The following RBPMS variants were observed in gnomAD, a reference collection of about 807,000 sequenced individuals.
RBPMS encodes the protein RNA-binding protein with multiple splicing.
In RBPMS, 7 loss-of-function variants were observed where a neutral mutation model predicts 26.8. The observed-to-expected ratio is 0.26, with a 90% CI of 0.15 to 0.49. The LOEUF (loss-of-function observed/expected upper bound fraction) is 0.49, where lower values mean the gene tolerates loss of function less well. Ranked by LOEUF, RBPMS falls within the 20% of genes least tolerant of loss-of-function variation. The probability of loss-of-function intolerance (pLI) is 0.98; values close to 1 mark genes in which losing one functional copy is unlikely to be tolerated. For synonymous variants in RBPMS, 96 were observed against 93.3 expected, an observed-to-expected ratio of 1.03 and a Z score of -0.17; for missense variants, 186 against 250.0, an observed-to-expected ratio of 0.74 and a Z score of 1.73.
intron 5 of RBPMS, among the ~76,000 whole-genome samples, chr8:30,535,442 G>C (rs1824686907): frequency 6.6e-6 from 1 of 152,146 alleles, no homozygotes; most frequent in Admixed American, 6.5e-5. Flanking sequence ...AAGGATATCT[G>C]GTCTTTACTG....
At chr8:30,519,955 G>A (rs1330353045) in intron 5 of RBPMS, among the ~76,000 whole-genome samples, 2 of 152,094 alleles carry the variant, frequency 1.3e-5, no homozygotes, top group African/African-American at 4.8e-5. Context: ...GATTTGCAAG[G>A]TTTGGTTAAA....
intron 4 of RBPMS, among the ~76,000 whole-genome samples, chr8:30,484,467 G>A (rs1818586081): frequency 6.6e-6 from 1 of 152,132 alleles, no homozygotes; most frequent in African/African-American, 2.4e-5. Context: ...GAACTTGAAG[G>A]AAAGGTATTT....
intron 1 of RBPMS, among the ~76,000 whole-genome samples, chr8:30,452,271 T>C (rs1446793930): frequency 6.6e-6 from 1 of 152,132 alleles, no homozygotes; most frequent in Non-Finnish European, 1.5e-5. Context: ...AAGTCCAAGG[T>C]ACGGGAGAAC....
chr8:30,552,862 TCA>T (rs1826509340), intron 6 of RBPMS: 1 of 152,254 alleles, frequency 6.6e-6, no homozygotes, highest in Non-Finnish European at 1.5e-5. Context: ...CAGGATGTAC[TCA>T]CAGTCCTAGG....
chr8:30,393,351 C>T (rs1808014205), intron 1 of RBPMS, among the ~76,000 whole-genome samples: 1 of 151,922 alleles, frequency 6.6e-6, no homozygotes, highest in Non-Finnish European at 1.5e-5. Context: ...AACCCTGCAC[C>T]TAAAAGGAAA....
chr8:30,446,838 T>TGA (rs1420579582), intron 1 of RBPMS: 1 of 92,904 alleles, frequency 1.1e-5, no homozygotes, highest in African/African-American at 4.8e-5. Flanking sequence ...TGTGTGTGTG[T>TGA]GTGTGCGCGC....
intron 1 of RBPMS, among the ~76,000 whole-genome samples, chr8:30,448,363 A>G (rs1814128537): frequency 6.6e-6 from 1 of 152,194 alleles, no homozygotes; most frequent in Non-Finnish European, 1.5e-5. Flanking sequence ...TTTGCAGGGC[A>G]GATGCATTCC....
chr8:30,555,877 C>A (rs1479737093), intron 6 of RBPMS: 1 of 985,320 alleles, frequency 1.0e-6, no homozygotes, highest in African/African-American at 1.7e-5. Context: ...TCATTACCCC[C>A]ACACAGTGAT....
At chr8:30,546,873 C>T (rs993631287) in intron 6 of RBPMS, among the ~76,000 whole-genome samples, 4 of 152,194 alleles carry the variant, frequency 2.6e-5, no homozygotes, top group African/African-American at 7.2e-5. Flanking sequence ...GAGGGAGTTA[C>T]CCACAATCTG....
chr8:30,519,506 C>T (rs1297074248), intron 5 of RBPMS, among the ~76,000 whole-genome samples: 13 of 108,066 alleles, frequency 1.2e-4, no homozygotes, highest in South Asian at 3.4e-4. Context: ...TTTTTGGAGA[C>T]GGAGTCTCAC....
At chr8:30,529,066 A>T (rs1457958176) in intron 5 of RBPMS, among the ~76,000 whole-genome samples, 1 of 151,988 alleles carries the variant, frequency 6.6e-6, no homozygotes, top group African/African-American at 2.4e-5. Flanking sequence ...AAAAAAAATT[A>T]AAAATTAGCC....
At chr8:30,544,110 G>A (rs1056277285) in intron 5 of RBPMS, among the ~76,000 whole-genome samples, 2 of 152,218 alleles carry the variant, frequency 1.3e-5, no homozygotes, top group African/African-American at 2.4e-5. Flanking sequence ...TCTGCAGTGG[G>A]TTCTCATGGG....
At chr8:30,450,808 A>AAAAAAAAAAAT (rs1814490404) in intron 1 of RBPMS, among the ~76,000 whole-genome samples, 1 of 138,338 alleles carries the variant, frequency 7.2e-6, no homozygotes, top group African/African-American at 2.6e-5. Context: ...AAAAAAAAAA[A>AAAAAAAAAAAT]AAGTGTGTTT....
intron 1 of RBPMS, among the ~76,000 whole-genome samples, chr8:30,451,200 G>T (rs1406544053): frequency 1.3e-5 from 2 of 152,140 alleles, no homozygotes; most frequent in Non-Finnish European, 2.9e-5. Context: ...GGCTTCTGAG[G>T]TCTTTAGATT....
intron 1 of RBPMS, among the ~76,000 whole-genome samples, chr8:30,448,830 G>A (rs1814183516): frequency 6.6e-6 from 1 of 152,220 alleles, no homozygotes; most frequent in African/African-American, 2.4e-5. Context: ...ATGCTTGGCA[G>A]TATGTTTGGC....
intron 1 of RBPMS, among the ~76,000 whole-genome samples, chr8:30,431,037 T>TA (rs1261809594): frequency 2.0e-5 from 3 of 152,200 alleles, no homozygotes; most frequent in Admixed American, 6.5e-5. Flanking sequence ...GATGTATTCT[T>TA]TATTAGTCTC....
intron 1 of RBPMS, among the ~76,000 whole-genome samples, chr8:30,415,274 C>T (rs1403319369): frequency 6.6e-6 from 1 of 152,190 alleles, no homozygotes; most frequent in Admixed American, 6.6e-5. Context: ...TACCTTTACC[C>T]TGCTGCTGTC....
intron 4 of RBPMS, among the ~76,000 whole-genome samples, chr8:30,491,762 A>G (rs1269875016): frequency 2.6e-5 from 4 of 152,204 alleles, no homozygotes. Context: ...GAAAGTTAAG[A>G]TAGGTCCTCA....
intron 2 of RBPMS, among the ~76,000 whole-genome samples, chr8:30,477,580 TA>T (rs1483238104): frequency 1.3e-5 from 2 of 152,152 alleles, no homozygotes; most frequent in Non-Finnish European, 2.9e-5. Flanking sequence ...GAAACACAGA[TA>T]AATCCATAGA....
Sources: allele counts gnomAD v4.1 joint callset (sites outside exome capture counted in the v4.1 genomes callset), GRCh38; gene constraint gnomAD v4.1.1; transcripts MANE v1.5; gene names NCBI Gene and HGNC (gene_info 2026-07-23, HGNC 2026-07-21).